The following PLXDC2 variants were observed in gnomAD, a reference collection of about 807,000 sequenced individuals.
PLXDC2 encodes plexin domain-containing protein 2.
Under a neutral mutation model 68.9 loss-of-function variants are expected in PLXDC2, and 40 were observed. That is an observed-to-expected ratio of 0.58 (90% CI 0.45 to 0.76). The LOEUF (loss-of-function observed/expected upper bound fraction) is 0.76, where lower values mean the gene tolerates loss of function less well. PLXDC2 is among the 30% of genes least tolerant of loss of function. The pLI is 0.00. For synonymous variants in PLXDC2, 243 were observed against 234.2 expected (o/e 1.04, Z -0.34); for missense variants, 644 against 661.9 (o/e 0.97, Z 0.30).
Position 20,170,301 on chromosome 10 carries a change from C to T in PLXDC2, c.883+5734C>T, listed in dbSNP as rs908881272. Reference sequence around the variant, plus strand: ...CCCCTCCGGGGTTCAAGTGCTTCTCCTGCCTCGGTCTCCCAAGTAGCTGGG... The same window carrying T: ...CCCCTCCGGGGTTCAAGTGCTTCTCTTGCCTCGGTCTCCCAAGTAGCTGGG... On this transcript the variant is annotated intron_variant, in intron 7 of 13. Coordinates refer to ENST00000377252, the MANE Select transcript of PLXDC2 (RefSeq NM_032812.9). Among the ~76,000 whole-genome samples, 3 of 152,144 alleles carry T rather than the reference C, an allele frequency of 2.0e-5. No homozygotes were observed. In the East Asian group the frequency reaches 5.8e-4, roughly 29 times the overall value.
At chr10:20,260,556 T>C (rs1340818363) in intron 13 of PLXDC2, among the ~76,000 whole-genome samples, 3 of 152,232 alleles carry the variant, frequency 2.0e-5, no homozygotes, top group African/African-American at 4.8e-5. Context: ...TAGTATTTCA[T>C]TGTGTACATA....
At chr10:19,839,984 A>C (rs1836873694) in intron 1 of PLXDC2, among the ~76,000 whole-genome samples, 1 of 152,198 alleles carries the variant, frequency 6.6e-6, no homozygotes, top group Non-Finnish European at 1.5e-5. Context: ...CTTGATAAGG[A>C]GGAATAATTG....
intron 3 of PLXDC2, among the ~76,000 whole-genome samples, chr10:20,050,610 A>G (rs1035085468): frequency 1.3e-5 from 2 of 152,150 alleles, no homozygotes; most frequent in South Asian, 2.1e-4. Flanking sequence ...AAAAAGCTCA[A>G]TATCACTGAT....
Position 19,985,180 on chromosome 10 carries a change from T to TA in PLXDC2, c.113-16594dup. ...TGCTTTGGTCAGATTTCTGGTAAGATATGGACCTCAGACACAGTCTCTGTT... is the reference window on the plus strand; with the variant it reads ...TGCTTTGGTCAGATTTCTGGTAAGATAATGGACCTCAGACACAGTCTCTGTT... On this transcript the variant is annotated intron_variant, in intron 1 of 13. Coordinates refer to ENST00000377252, the MANE Select transcript of PLXDC2 (RefSeq NM_032812.9). 1.3e-5 allele frequency among the ~76,000 whole-genome samples: 2 copies of TA among 152,364 alleles called. 1 individual carries two copies. The highest frequency in any genetic ancestry group is 1.3e-4 in the Admixed American group (2 of 15,314).
At chr10:20,007,847 G>A (rs930156403) in intron 2 of PLXDC2, among the ~76,000 whole-genome samples, 3 of 152,136 alleles carry the variant, frequency 2.0e-5, no homozygotes, top group Non-Finnish European at 4.4e-5. Context: ...TTAAATTTAG[G>A]TGCCTGCCAA....
At chr10:20,187,829 T>C (rs147191605) in intron 9 of PLXDC2, among the ~76,000 whole-genome samples, 1 of 152,054 alleles carries the variant, frequency 6.6e-6, no homozygotes, top group Non-Finnish European at 1.5e-5. Flanking sequence ...TTAAAAGAGC[T>C]GGGTTGAGTG....
chr10:20,195,499 G>A (rs1361634306), intron 9 of PLXDC2, among the ~76,000 whole-genome samples: 2 of 151,974 alleles, frequency 1.3e-5, no homozygotes, highest in African/African-American at 2.4e-5. Flanking sequence ...TTGAGAGATG[G>A]GGGCAATGAT....
At chr10:19,969,728 C>G (rs1834319349) in intron 1 of PLXDC2, among the ~76,000 whole-genome samples, 1 of 152,142 alleles carries the variant, frequency 6.6e-6, no homozygotes, top group Non-Finnish European at 1.5e-5. Flanking sequence ...TCTGACTATA[C>G]TCAGTAATTT....
chr10:20,069,344 A>G (rs115790148), intron 4 of PLXDC2, among the ~76,000 whole-genome samples: 2,747 of 152,264 alleles, frequency 0.018, 90 homozygotes, highest in African/African-American at 0.063. Context: ...GAAGGAGAAT[A>G]TGGGGAATTG....
intron 12 of PLXDC2, among the ~76,000 whole-genome samples, chr10:20,224,516 A>G (rs185651510): frequency 5.3e-5 from 8 of 152,296 alleles, no homozygotes; most frequent in African/African-American, 1.9e-4. Context: ...CACTTCCTAA[A>G]TAGAAATGTA....
At chr10:19,941,116 A>G (rs187639685) in intron 1 of PLXDC2, among the ~76,000 whole-genome samples, 30 of 152,338 alleles carry the variant, frequency 2.0e-4, no homozygotes, top group African/African-American at 7.2e-4. Context: ...GTTTCATTTT[A>G]TCTCAAGGAT....
At chr10:19,828,225 G>C (rs993206320) in intron 1 of PLXDC2, among the ~76,000 whole-genome samples, 3 of 152,200 alleles carry the variant, frequency 2.0e-5, no homozygotes, top group Non-Finnish European at 4.4e-5. Flanking sequence ...GCTTTGGAAA[G>C]AAAGGTAAAA....
intron 3 of PLXDC2, among the ~76,000 whole-genome samples, chr10:20,066,058 G>T (rs899090091): frequency 6.6e-6 from 1 of 152,200 alleles, no homozygotes; most frequent in Non-Finnish European, 1.5e-5. Flanking sequence ...GGCAAGAAAT[G>T]AATGGATTAC....
At chr10:20,007,720 G>C (rs996043877) in intron 2 of PLXDC2, among the ~76,000 whole-genome samples, 4 of 152,212 alleles carry the variant, frequency 2.6e-5, no homozygotes, top group Non-Finnish European at 5.9e-5. Context: ...CTAGGCTTGA[G>C]CCGGTCTGAT....
At chr10:20,046,008 A>C (rs1277936230) in intron 2 of PLXDC2, among the ~76,000 whole-genome samples, 1 of 152,150 alleles carries the variant, frequency 6.6e-6, no homozygotes, top group Non-Finnish European at 1.5e-5. Flanking sequence ...TAACACCAAC[A>C]ATGAGAATTC....
intron 1 of PLXDC2, among the ~76,000 whole-genome samples, chr10:19,930,721 G>C (rs1338332129): frequency 1.3e-5 from 2 of 152,144 alleles, no homozygotes; most frequent in East Asian, 3.9e-4. Flanking sequence ...CCAGCACTTT[G>C]GGAGGCCGAG....
At chr10:19,826,684 C>A (rs1282111473) in intron 1 of PLXDC2, among the ~76,000 whole-genome samples, 1 of 152,082 alleles carries the variant, frequency 6.6e-6, no homozygotes, top group East Asian at 1.9e-4. Flanking sequence ...GTATAATGTA[C>A]AGTTGTACCT....
chr10:20,055,094 C>G (rs1234734182), intron 3 of PLXDC2, among the ~76,000 whole-genome samples: 1 of 152,092 alleles, frequency 6.6e-6, no homozygotes, highest in Non-Finnish European at 1.5e-5. Context: ...TGTTCTCTGT[C>G]TATCTCACTC....
intron 12 of PLXDC2, 25 bp downstream of exon 12, chr10:20,219,127 T>C (rs1234157577): frequency 1.9e-6 from 3 of 1,588,076 alleles, no homozygotes; most frequent in African/African-American, 1.4e-5. Context: ...TTTTCTTTCA[T>C]AAACATCTTT....
Sources: gnomAD v4.1 joint callset for allele counts (sites outside exome capture counted in the v4.1 genomes callset) on GRCh38, gnomAD v4.1.1 for gene constraint, MANE v1.5 for transcripts, NCBI Gene and HGNC (gene_info 2026-07-23, HGNC 2026-07-21) for gene names.